Variants in ARHGAP44 observed in about 807,000 individuals in gnomAD.
ARHGAP44 encodes the protein Rho GTPase activating protein 44.
In ARHGAP44, 43 loss-of-function variants were observed where a neutral mutation model predicts 106.8. That is an observed-to-expected ratio of 0.40 (90% confidence interval 0.32 to 0.52). The LOEUF is 0.52. ARHGAP44 is among the 20% of genes least tolerant of loss of function. The probability of loss-of-function intolerance (pLI) is 0.48; values close to 1 mark genes in which losing one functional copy is unlikely to be tolerated. For missense variants in ARHGAP44, 866 were observed against 1,050.5 expected (o/e 0.82, Z 2.43); for synonymous variants, 439 against 410.3 (o/e 1.07, Z -0.85).
chr17:12,963,388 G>T (rs1322497634), intron 16 of ARHGAP44, among the ~76,000 whole-genome samples: 1 of 152,158 alleles, frequency 6.6e-6, no homozygotes, highest in East Asian at 1.9e-4. Flanking sequence ...CATCCTACAT[G>T]GAAATCCAAG....
intron 7 of ARHGAP44, among the ~76,000 whole-genome samples, chr17:12,933,917 C>T (rs888815966): frequency 5.3e-5 from 8 of 150,328 alleles, no homozygotes; most frequent in East Asian, 3.9e-4. Context: ...GGCACGATCT[C>T]GGCTCACTGC....
intron 18 of ARHGAP44, among the ~76,000 whole-genome samples, chr17:12,977,173 C>G (rs953196883): frequency 2.0e-5 from 3 of 152,066 alleles, no homozygotes; most frequent in Non-Finnish European, 2.9e-5. Context: ...TGTCTTTCCC[C>G]TTTGCCCGGG....
chr17:12,874,297 T>C (rs1188720743), intron 1 of ARHGAP44, among the ~76,000 whole-genome samples: 1 of 152,216 alleles, frequency 6.6e-6, no homozygotes, highest in African/African-American at 2.4e-5. Flanking sequence ...TGGGTCCCCC[T>C]AGTTTCAGGG....
At chr17:12,808,004 A>G (rs183716487) in intron 1 of ARHGAP44, among the ~76,000 whole-genome samples, 11 of 152,354 alleles carry the variant, frequency 7.2e-5, no homozygotes, top group Admixed American at 6.5e-4. Context: ...GACCAAGACA[A>G]AAAGGCTACA....
chr17:12,979,795 G>T (rs910050735), intron 18 of ARHGAP44, among the ~76,000 whole-genome samples: 11 of 152,218 alleles, frequency 7.2e-5, no homozygotes, highest in African/African-American at 2.7e-4. Context: ...TTGAAGAGAG[G>T]AGGGCAGAGG....
chr17:12,891,589 T>C (rs918553456), intron 1 of ARHGAP44, among the ~76,000 whole-genome samples: 3 of 152,166 alleles, frequency 2.0e-5, no homozygotes, highest in African/African-American at 7.2e-5. Flanking sequence ...GGCTTCACCT[T>C]TCAGCACTGC....
intron 1 of ARHGAP44, among the ~76,000 whole-genome samples, chr17:12,875,805 A>G (rs1460185392): frequency 6.6e-6 from 1 of 151,948 alleles, no homozygotes; most frequent in African/African-American, 2.4e-5. Flanking sequence ...TTAGCCAGGC[A>G]TGGTGGCAGG....
Position 12,816,106 on chromosome 17 carries a change from A to C in ARHGAP44, c.53+26215A>C, listed in dbSNP as rs113081934. 4.7e-3 allele frequency among the ~76,000 whole-genome samples: 717 copies of C among 152,284 alleles called. 8 individuals carry two copies. The highest frequency in any genetic ancestry group is 0.017 in the African/African-American group (694 of 41,574). ...CATGGTTGATTTGGAACAGTACCTTAGTTGCAGTATGCAGGGTGGATTGAA... is the reference window on the plus strand; with the variant it reads ...CATGGTTGATTTGGAACAGTACCTTCGTTGCAGTATGCAGGGTGGATTGAA... On this transcript the variant is annotated intron_variant, in intron 1 of 20. Transcript: ENST00000379672.
chr17:12,873,954 A>T (rs8082364), intron 1 of ARHGAP44, among the ~76,000 whole-genome samples: 371 of 137,838 alleles, frequency 2.7e-3, no homozygotes, highest in African/African-American at 0.012. Context: ...AATAAATAAA[A>T]GAAAGAAAGA....
At chr17:12,870,677 C>G (rs1250790324) in intron 1 of ARHGAP44, among the ~76,000 whole-genome samples, 2 of 152,194 alleles carry the variant, frequency 1.3e-5, no homozygotes, top group Admixed American at 6.5e-5. Flanking sequence ...ACCTCCATCT[C>G]TCTACATAAT....
chr17:12,949,115 C>T lies in ARHGAP44; in HGVS notation c.862-25C>T, dbSNP rs187031746. On this transcript the variant is annotated intron_variant, in intron 10 of 20. Coordinates refer to ENST00000379672, the MANE Select transcript of ARHGAP44 (RefSeq NM_014859.6). This position sits in a 1 kb window ranked among gnomAD's most constrained non-coding sequence, Gnocchi z 4.1. Reference sequence around the variant, plus strand: ...GATGTTGTACCTTGGAGTTGCTGTGCGCTGACCCTCTGTCCTGTTGGTAGG... The same window carrying T: ...GATGTTGTACCTTGGAGTTGCTGTGTGCTGACCCTCTGTCCTGTTGGTAGG... 9.3e-5 allele frequency: 144 copies of T among 1,549,784 alleles called. No individual in the cohort carries two copies. Among genetic ancestry groups the T allele is most frequent in the African/African-American group, 3.0e-4 (22 of 73,236 alleles).
chr17:12,883,478 C>A (rs2036796771), intron 1 of ARHGAP44, among the ~76,000 whole-genome samples: 1 of 151,618 alleles, frequency 6.6e-6, no homozygotes, highest in African/African-American at 2.4e-5. Context: ...TTTTCAGCTT[C>A]TCTTCTAAGA....
chr17:12,928,134 C>T (rs545781408), intron 6 of ARHGAP44, among the ~76,000 whole-genome samples: 9 of 152,236 alleles, frequency 5.9e-5, no homozygotes, highest in South Asian at 4.2e-4. Context: ...TGAGTGACTT[C>T]GTTAGAAGGC....
At chr17:12,888,248 A>T (rs2036938742) in intron 1 of ARHGAP44, among the ~76,000 whole-genome samples, 1 of 151,936 alleles carries the variant, frequency 6.6e-6, no homozygotes, top group South Asian at 2.1e-4. Context: ...TAATGCTATA[A>T]TTTTTTTCCC....
At chr17:12,915,540 G>A (rs891904189) in intron 4 of ARHGAP44, among the ~76,000 whole-genome samples, 2 of 152,112 alleles carry the variant, frequency 1.3e-5, no homozygotes, top group Non-Finnish European at 2.9e-5. Flanking sequence ...TTGAAATTGA[G>A]CTTTTGCTTT....
intron 13 of ARHGAP44, among the ~76,000 whole-genome samples, chr17:12,954,416 C>A (rs1364597609): frequency 6.6e-6 from 1 of 152,192 alleles, no homozygotes; most frequent in Non-Finnish European, 1.5e-5. Context: ...TGACCACAGC[C>A]CTAGGCCGCT....
intron 16 of ARHGAP44, among the ~76,000 whole-genome samples, chr17:12,962,255 T>C (rs772109427): frequency 4.1e-4 from 62 of 152,258 alleles, no homozygotes; most frequent in Middle Eastern, 6.8e-3. Context: ...CAAAGCTTCT[T>C]ACTTCCCTCG....
At chr17:12,926,370 A>C (rs1256269651) in intron 6 of ARHGAP44, among the ~76,000 whole-genome samples, 1 of 147,242 alleles carries the variant, frequency 6.8e-6, no homozygotes, top group Non-Finnish European at 1.5e-5. Flanking sequence ...ATATGAAAAA[A>C]AAATTATATA....
Position 12,974,217 on chromosome 17 carries a change from C to A in ARHGAP44, c.1670C>A (p.Pro557His). 6.5e-7 allele frequency: 1 copy of A among 1,546,780 alleles called. No homozygotes were observed. Among genetic ancestry groups the A allele is most frequent in the South Asian group, 1.2e-5 (1 of 83,856 alleles). Reference protein sequence around the residue: ...APPAELAAPLPSPLPEQPLDS... With the variant: ...APPAELAAPLHSPLPEQPLDS... ...CCCGCCGAGCTGGCTGCGCCCCTGC[C>A]TTCGCCGCTGCCGGAGCAGCCCCTG... The change falls in exon 18 of 21, where the codon CCT becomes CAT. Residue 557 changes from proline (P) to histidine (H), a missense_variant. By Grantham distance (77) the Pro-to-His change is moderately conservative (BLOSUM62 -2). This residue lies in a region of ARHGAP44 where 418 missense variants were observed against 403.6 expected (regional missense o/e 1.04). Coordinates refer to ENST00000379672, the MANE Select transcript of ARHGAP44 (RefSeq NM_014859.6).
Sources: allele counts gnomAD v4.1 joint callset (sites outside exome capture counted in the v4.1 genomes callset), GRCh38; gene constraint gnomAD v4.1.1; regional missense constraint gnomAD v4.1.1; non-coding constraint Gnocchi (gnomAD v3.1); transcripts MANE v1.5; gene names NCBI Gene and HGNC (gene_info 2026-07-23, HGNC 2026-07-21).